Variants in FAM240A observed in about 807,000 individuals in gnomAD.
The protein encoded by FAM240A is family with sequence similarity 240 member A.
FAM240A carries 8 observed loss-of-function variants against 7.3 expected under a neutral mutation model. That is an observed-to-expected ratio of 1.09 (90% confidence interval 0.64 to 1.97). The LOEUF is 1.97. Among genes scored for constraint, FAM240A ranks in the 30% most tolerant of loss-of-function variants. FAM240A has a pLI of 0.00. For missense variants in FAM240A, 90 were observed against 102.2 expected, an observed-to-expected ratio of 0.88 and a Z score of 0.52; for synonymous variants, 32 against 35.9, an observed-to-expected ratio of 0.89 and a Z score of 0.38.
At chr3:46,618,974 G>A (rs1357801101) in intron 2 of FAM240A, among the ~76,000 whole-genome samples, 1 of 151,612 alleles carries the variant, frequency 6.6e-6, no homozygotes, top group African/African-American at 2.4e-5. Context: ...TAAACTTTCT[G>A]GTTGATAGGG....
chr3:46,614,072 C>T (rs2107138301), intron 1 of FAM240A, among the ~76,000 whole-genome samples: 1 of 152,230 alleles, frequency 6.6e-6, no homozygotes, highest in African/African-American at 2.4e-5. Flanking sequence ...GCACGTAGCA[C>T]TACGCCCAGC....
chr3:46,614,861 A>G (rs873382), intron 1 of FAM240A, among the ~76,000 whole-genome samples: 13,023 of 152,282 alleles, frequency 0.086, 564 homozygotes, highest in Middle Eastern at 0.13. Context: ...ACTTATTCAA[A>G]GTTGTCAATG....
At chr3:46,614,402 GA>G (rs1223035896) in intron 1 of FAM240A, among the ~76,000 whole-genome samples, 1 of 152,206 alleles carries the variant, frequency 6.6e-6, no homozygotes, top group African/African-American at 2.4e-5. Context: ...GTTTAAAAGT[GA>G]AATGCATTTT....
At chr3:46,622,482 T>C (rs905567881) in intron 2 of FAM240A, among the ~76,000 whole-genome samples, 2 of 152,182 alleles carry the variant, frequency 1.3e-5, no homozygotes, top group African/African-American at 2.4e-5. Flanking sequence ...ACAAAGATTG[T>C]CTTCTGTTTT....
intron 2 of FAM240A, 149 bp from the exon 3 acceptor site, chr3:46,624,978 TA>T (rs1559440185): frequency 2.9e-5 from 6 of 210,040 alleles, no homozygotes; most frequent in Non-Finnish European, 3.6e-5. Context: ...TATATATATA[TA>T]TATTTAAACT....
intron 2 of FAM240A, among the ~76,000 whole-genome samples, chr3:46,622,246 C>G (rs1294571896): frequency 6.6e-6 from 1 of 151,138 alleles, no homozygotes; most frequent in Non-Finnish European, 1.5e-5. Context: ...ACTGGGACTA[C>G]AGGCGCCCGC....
chr3:46,625,207 A>C lies in FAM240A; in HGVS notation c.241A>C (p.Asn81His). ...TCCAGAGGACACTGAAAAGAGGACA[A>C]ATGTTGGCTGAGAGCTTCCTGCTTC... ...NNPEDTEKRT[N>H]VG is the part of the protein sequence containing the mutation. Residue 81 changes from asparagine (N) to histidine (H), a missense_variant, in exon 3 of 3, where the codon AAT (asparagine) becomes CAT (histidine). Transcript: ENST00000640551. 6.5e-7 allele frequency: 1 copy of C among 1,532,834 alleles called. No homozygotes were observed. Among genetic ancestry groups the C allele is most frequent in the African/African-American group, 1.4e-5 (1 of 73,082 alleles). The allele number at this position is 1,532,834 out of a possible 1,614,324, so 95.0% of individuals were successfully genotyped here. A position where few individuals can be genotyped will look rare whatever the true frequency, so the allele number is the denominator to read the frequency against.
chr3:46,620,247 G>A (rs1355513685), intron 2 of FAM240A, among the ~76,000 whole-genome samples: 1 of 150,878 alleles, frequency 6.6e-6, no homozygotes, highest in Non-Finnish European at 1.5e-5. Context: ...TCCTGCCCTG[G>A]GTCCTGTTTT....
At chr3:46,618,235 TCC>T (rs1335988743) in intron 2 of FAM240A, among the ~76,000 whole-genome samples, 2 of 152,172 alleles carry the variant, frequency 1.3e-5, no homozygotes, top group Non-Finnish European at 2.9e-5. Flanking sequence ...GAACCCAGCC[TCC>T]CACTTATAGA....
intron 1 of FAM240A, among the ~76,000 whole-genome samples, chr3:46,614,106 T>C (rs73077544): frequency 0.029 from 4,465 of 152,168 alleles, 89 homozygotes; most frequent in Middle Eastern, 0.092. Context: ...TTTATTTTTA[T>C]AGAGACAGGA....
chr3:46,617,069 G>A, intron 1 of FAM240A, 114 bp from the exon 2 acceptor site: 2 of 704,182 alleles, frequency 2.8e-6, no homozygotes, highest in Admixed American at 3.1e-5. Context: ...GTGGATTGGA[G>A]TAAGATGGTA....
At chr3:46,612,810 T>G (rs1366399578) in intron 1 of FAM240A, 112 bp downstream of exon 1, 1 of 836,742 alleles carries the variant, frequency 1.2e-6, no homozygotes, top group Non-Finnish European at 1.9e-6. Flanking sequence ...ACGAATTCTC[T>G]CAAGTACAAG....
chr3:46,617,328 A>G lies in FAM240A; in HGVS notation c.161A>G (p.Lys54Arg). The change falls in exon 2 of 3, where the codon AAG becomes AGG. Residue 54 changes from lysine (K) to arginine (R), a missense_variant and splice_region_variant. Lys to Arg is a conservative substitution (Grantham distance 26). Transcript: ENST00000640551. ...ERRLGRSALRKLREEWKQRLE... is the reference protein window; with the variant it reads ...ERRLGRSALRRLREEWKQRLE... ...CGTCTGGGAAGAAGCGCACTGAGAAAGTATGTGGCTTGTTTGTCTACTTTT... is the reference window on the plus strand; with the variant it reads ...CGTCTGGGAAGAAGCGCACTGAGAAGGTATGTGGCTTGTTTGTCTACTTTT... The G allele has an allele frequency of 6.6e-7, 1 of 1,517,460 alleles. No individual in the cohort carries two copies. The highest frequency in any genetic ancestry group is 8.8e-7 in the Non-Finnish European group (1 of 1,141,064). The allele number at this position is 1,517,460 out of a possible 1,614,324, so 94.0% of individuals were successfully genotyped here. A position where few individuals can be genotyped will look rare whatever the true frequency, so the allele number is the denominator to read the frequency against.
intron 2 of FAM240A, among the ~76,000 whole-genome samples, chr3:46,624,187 A>G (rs1697728500): frequency 6.6e-6 from 1 of 151,446 alleles, no homozygotes; most frequent in Non-Finnish European, 1.5e-5. Flanking sequence ...ATGCTATTGT[A>G]CAAAGTACAA....
intron 2 of FAM240A, among the ~76,000 whole-genome samples, chr3:46,617,918 T>A (rs1407887139): frequency 6.6e-6 from 1 of 152,204 alleles, no homozygotes; most frequent in Non-Finnish European, 1.5e-5. Flanking sequence ...GTGACTCCCG[T>A]GGGCAAACGA....
At chr3:46,614,157 C>T (rs1445288215) in intron 1 of FAM240A, among the ~76,000 whole-genome samples, 1 of 152,142 alleles carries the variant, frequency 6.6e-6, no homozygotes, top group African/African-American at 2.4e-5. Context: ...CTACTGGGAT[C>T]AAGTGATCCT....
At chr3:46,612,894 G>T (rs746033815) in intron 1 of FAM240A, among the ~76,000 whole-genome samples, 196 bp downstream of exon 1, 1 of 152,180 alleles carries the variant, frequency 6.6e-6, no homozygotes, top group Admixed American at 6.5e-5. Context: ...TCCAACTATG[G>T]ACAGTCTCCT....
Position 46,622,358 on chromosome 3 carries a change from G to A in FAM240A, c.162-2770G>A, listed in dbSNP as rs182179732. On this transcript the variant is annotated intron_variant, in intron 2 of 2. Transcript: ENST00000640551. ...TCTGACCTCGTGATCTGCCCGCCTC[G>A]GCCTCCCAAAGTGCTGGGATTACAG... Among the ~76,000 whole-genome samples the A allele has an allele frequency of 4.0e-3, 609 of 151,764 alleles. 4 individuals are homozygous for A. Among genetic ancestry groups the A allele is most frequent in the African/African-American group, 0.012 (503 of 41,400 alleles).
chr3:46,622,315 C>A (rs1697707225), intron 2 of FAM240A, among the ~76,000 whole-genome samples: 1 of 151,720 alleles, frequency 6.6e-6, no homozygotes, highest in African/African-American at 2.4e-5. Flanking sequence ...ACCGTGTTAG[C>A]CAGGATGGTC....
Sources: gnomAD v4.1 joint callset for allele counts (sites outside exome capture counted in the v4.1 genomes callset) on GRCh38, gnomAD v4.1.1 for gene constraint, MANE v1.5 for transcripts, NCBI Gene and HGNC (gene_info 2026-07-23, HGNC 2026-07-21) for gene names.